Variants in STARD10 observed in about 807,000 individuals in gnomAD.
The protein encoded by STARD10 is StAR related lipid transfer domain containing 10, also known as START domain-containing protein 10.
In STARD10, 24 loss-of-function variants were observed where a neutral mutation model predicts 36.0. That is an observed-to-expected ratio of 0.67 (90% CI 0.48 to 0.94). The LOEUF (loss-of-function observed/expected upper bound fraction) is 0.94, where lower values mean the gene tolerates loss of function less well. Ranked by LOEUF, STARD10 falls within the 40% of genes least tolerant of loss-of-function variation. The pLI is 0.00. For synonymous variants in STARD10, 156 were observed against 161.9 expected (o/e 0.96, Z 0.28); for missense variants, 335 against 396.6 (o/e 0.84, Z 1.32).
At chr11:72,774,511 G>C (rs1369300151) in intron 2 of STARD10, among the ~76,000 whole-genome samples, 1 of 152,212 alleles carries the variant, frequency 6.6e-6, no homozygotes, top group Non-Finnish European at 1.5e-5. Flanking sequence ...AGGGGCCCCA[G>C]GGCATCAAGG....
In STARD10 at chr11:72,780,973, A is replaced by T. The variant is rs1310386667; in HGVS notation, c.207+2T>A. The T allele has an allele frequency of 6.2e-7, 1 of 1,614,056 alleles. No homozygotes were observed. The highest frequency in any genetic ancestry group is 2.2e-5 in the East Asian group (1 of 44,864). On this transcript the variant is annotated splice_donor_variant, in intron 2 of 6. Coordinates refer to ENST00000334805, the MANE Select transcript of STARD10 (RefSeq NM_006645.3). LOFTEE classifies it high-confidence loss of function. ...GGCTGCAGGTATAGCGGGCAACCCT[A>T]CCTTGATCTTGTGCAGCGTCCGATC... is the stretch of plus-strand genomic sequence containing the variant.
At chr11:72,766,287 GCTGTGTGCCAGAC>G (rs1858787917) in intron 2 of STARD10, among the ~76,000 whole-genome samples, 1 of 152,166 alleles carries the variant, frequency 6.6e-6, no homozygotes, top group Admixed American at 6.5e-5. Context: ...TCTGAAGCCT[GCTGTGTGCCAGAC>G]CTGTGTGCAA....
Position 72,755,059 on chromosome 11 carries a change from G to C in STARD10, c.714C>G (p.His238Gln). 6.2e-7 allele frequency: 1 copy of C among 1,613,230 alleles called. No individual in the cohort carries two copies. The highest frequency in any genetic ancestry group is 8.5e-7 in the Non-Finnish European group (1 of 1,179,726). ...KHLPHFKPWL[H>Q]PEQSPLPSLA... Reference sequence around the variant, plus strand: ...GGCTCGGCAACGGGCTCTGCTCCGGGTGCAGCCACGGCTTGAAGTGAGGCA... The same window carrying C: ...GGCTCGGCAACGGGCTCTGCTCCGGCTGCAGCCACGGCTTGAAGTGAGGCA... Residue 238 changes from histidine (H) to glutamine (Q), a missense_variant, in exon 7 of 7, where the codon CAC (histidine) becomes CAG (glutamine). Transcript: ENST00000334805.
At chr11:72,786,330 T>A (rs979330074) in intron 1 of STARD10, among the ~76,000 whole-genome samples, 1 of 151,236 alleles carries the variant, frequency 6.6e-6, no homozygotes, top group Admixed American at 6.6e-5. Flanking sequence ...CCAGCCTGGG[T>A]GACAGAGCAA....
At position 72,781,040 on chromosome 11, in the gene STARD10, T is replaced by G. The variant is rs759779768; in HGVS notation, c.142A>C (p.Ser48Arg). The G allele has an allele frequency of 1.2e-6, 2 of 1,614,022 alleles. No individual in the cohort carries two copies. Among genetic ancestry groups the G allele is most frequent in the South Asian group, 2.2e-5 (2 of 91,090 alleles). Residue 48 changes from serine (S) to arginine (R), a missense_variant, in exon 2 of 7, where the codon AGC becomes CGC. Ser to Arg is a moderately radical substitution (Grantham distance 110). Coordinates refer to ENST00000334805, the MANE Select transcript of STARD10 (RefSeq NM_006645.3). This position sits in a 1 kb window ranked among gnomAD's most constrained non-coding sequence, Gnocchi z 4.7. The stretch of plus-strand genomic sequence containing the variant: ...ACCCAGACAGACACCCCAGCCCTGC[T>G]ATAGGTCAGGTTCCAGCCCACCTCA... Reference protein sequence around the residue: ...EAEVGWNLTYSRAGVSVWVQA... With the variant: ...EAEVGWNLTYRRAGVSVWVQA...
chr11:72,765,948 T>G (rs1228501277), intron 2 of STARD10: 1 of 152,094 alleles, frequency 6.6e-6, no homozygotes, highest in Non-Finnish European at 1.5e-5. Context: ...ACCACTGCAC[T>G]CCAGCCTGGG....
intron 2 of STARD10, among the ~76,000 whole-genome samples, chr11:72,773,078 T>A (rs1386454546): frequency 6.6e-6 from 1 of 152,204 alleles, no homozygotes; most frequent in Admixed American, 6.5e-5. Context: ...GAGAAGAGGT[T>A]TGTTGAATGA....
intron 2 of STARD10, among the ~76,000 whole-genome samples, chr11:72,768,842 C>T (rs1163617449): frequency 6.6e-6 from 1 of 152,206 alleles, no homozygotes; most frequent in Non-Finnish European, 1.5e-5. Flanking sequence ...GGGGGCCTGG[C>T]CTACAGCAGG....
chr11:72,784,929 C>T (rs979952163), intron 1 of STARD10, among the ~76,000 whole-genome samples: 8 of 152,252 alleles, frequency 5.3e-5, no homozygotes, highest in African/African-American at 1.7e-4. Context: ...GCAGACAGAG[C>T]AGCTGAGGTT....
chr11:72,774,130 C>T (rs3862790), intron 2 of STARD10, among the ~76,000 whole-genome samples: 25,082 of 151,950 alleles, frequency 0.17, 2,337 homozygotes, highest in Middle Eastern at 0.31. Flanking sequence ...CTCAGGAAGC[C>T]GGGGGAGATG....
chr11:72,759,113 T>C (rs1285018898), intron 3 of STARD10, 121 bp downstream of exon 3: 1 of 1,258,052 alleles, frequency 7.9e-7, no homozygotes, highest in African/African-American at 1.5e-5. Flanking sequence ...CTCTCAGCAC[T>C]CAAGTCTCCG....
intron 6 of STARD10, chr11:72,755,416 T>G (rs1412636711): frequency 2.7e-5 from 15 of 563,106 alleles, no homozygotes; most frequent in Non-Finnish European, 3.8e-5. Flanking sequence ...GTTCAAGTGA[T>G]TCTCCTGCCT....
At chr11:72,780,730 T>G in intron 2 of STARD10, 1 of 558,542 alleles carries the variant, frequency 1.8e-6, no homozygotes, top group South Asian at 2.0e-5. Context: ...GGCAGGGGCA[T>G]GCAGAAGCCT....
At chr11:72,773,135 A>G (rs541783830) in intron 2 of STARD10, among the ~76,000 whole-genome samples, 1 of 152,354 alleles carries the variant, frequency 6.6e-6, no homozygotes, top group African/African-American at 2.4e-5. Flanking sequence ...AATATTAAGG[A>G]CAGAGTAACC....
chr11:72,770,425 C>T (rs938511810), intron 2 of STARD10, among the ~76,000 whole-genome samples: 1 of 152,160 alleles, frequency 6.6e-6, no homozygotes, highest in Non-Finnish European at 1.5e-5. Flanking sequence ...GCCATGTTGG[C>T]CAGAATGGTC....
rs149219996 is a variant in STARD10 at position 72,771,596 on chromosome 11, G to A, written c.207+9379C>T. ...GAGCTCCCTGAGCAGACTGAGCTAG[G>A]CCTTCTCCGCCGCTCTCCATGCAGG... is the stretch of plus-strand genomic sequence containing the variant. On this transcript the variant is annotated intron_variant, in intron 2 of 6. Transcript: ENST00000334805. 6.7e-3 allele frequency among the ~76,000 whole-genome samples: 1,026 copies of A among 152,212 alleles called. 12 individuals are homozygous for A. The highest frequency in any genetic ancestry group is 0.023 in the African/African-American group (968 of 41,518).
intron 2 of STARD10, among the ~76,000 whole-genome samples, chr11:72,761,617 T>A (rs1315649730): frequency 6.6e-6 from 1 of 151,946 alleles, no homozygotes; most frequent in Non-Finnish European, 1.5e-5. Context: ...TAGTGGCACA[T>A]AACTGTAATC....
At chr11:72,762,402 C>T (rs116714277) in intron 2 of STARD10, among the ~76,000 whole-genome samples, 3,161 of 152,154 alleles carry the variant, frequency 0.021, 110 homozygotes, top group African/African-American at 0.07. Flanking sequence ...ATATTGGCCC[C>T]ATTATAGGAT....
chr11:72,779,312 C>T lies in STARD10; in HGVS notation c.207+1663G>A, dbSNP rs56871795. 5.0e-3 allele frequency among the ~76,000 whole-genome samples: 762 copies of T among 152,322 alleles called. 1 individual carries two copies. Among genetic ancestry groups the T allele is most frequent in the African/African-American group, 0.018 (739 of 41,570 alleles). On this transcript the variant is annotated intron_variant, in intron 2 of 6. Coordinates refer to ENST00000334805, the MANE Select transcript of STARD10 (RefSeq NM_006645.3). ...TCTTCCACCAATATCCCTGCTCTAA[C>T]TGTGTTGGATGCTGGGGACGCAAAG...
Sources: gnomAD v4.1 joint callset for allele counts (sites outside exome capture counted in the v4.1 genomes callset) on GRCh38, gnomAD v4.1.1 for gene constraint, Gnocchi (gnomAD v3.1) non-coding constraint, MANE v1.5 for transcripts, NCBI Gene and HGNC (gene_info 2026-07-23, HGNC 2026-07-21) for gene names.